UBE2L3: variants seen among roughly 807,000 people sequenced by gnomAD.
UBE2L3 encodes the protein ubiquitin conjugating enzyme E2 L3.
Under a neutral mutation model 17.8 loss-of-function variants are expected in UBE2L3, and 1 was observed. The ratio of observed to expected loss-of-function variants is 0.06; its 90% CI spans 0.02 to 0.27. The LOEUF is 0.27. Among genes scored for constraint, UBE2L3 ranks in the 10% least tolerant of loss-of-function variants. The pLI, the probability that UBE2L3 is intolerant of heterozygous loss-of-function variation, is 1.00. For synonymous variants in UBE2L3, 44 were observed against 68.5 expected (o/e 0.64, Z 1.76); for missense variants, 40 against 192.6 (o/e 0.21, Z 4.69).
At chr22:21,580,286 T>C (rs1927551010) in intron 1 of UBE2L3, among the ~76,000 whole-genome samples, 1 of 152,230 alleles carries the variant, frequency 6.6e-6, no homozygotes. Context: ...CTTTACCATC[T>C]GTGAAATGGG....
chr22:21,557,397 C>T (rs944176040), intron 1 of UBE2L3, among the ~76,000 whole-genome samples: 1 of 152,226 alleles, frequency 6.6e-6, no homozygotes, highest in Admixed American at 6.5e-5. Context: ...AACCCAACCC[C>T]CCAAAATAAA....
Position 21,570,702 on chromosome 22 carries a change from G to GT in UBE2L3, c.27+2941dup, listed in dbSNP as rs147279444. 5.6e-3 allele frequency among the ~76,000 whole-genome samples: 836 copies of GT among 149,332 alleles called. 7 individuals are homozygous for GT. Among genetic ancestry groups the GT allele is most frequent in the African/African-American group, 0.019 (759 of 40,674 alleles). On this transcript the variant is annotated intron_variant, in intron 1 of 3. Coordinates refer to ENST00000342192, the MANE Select transcript of UBE2L3 (RefSeq NM_003347.4). ...GCTGTGAGAATCAATGTTTAAGACT[G>GT]TTTTTTTTTTCTTTTAAAGGAAGAA... is the stretch of plus-strand genomic sequence containing the variant.
At chr22:21,573,712 T>C (rs1927108454) in intron 1 of UBE2L3, among the ~76,000 whole-genome samples, 1 of 152,158 alleles carries the variant, frequency 6.6e-6, no homozygotes, top group Non-Finnish European at 1.5e-5. Flanking sequence ...GCAGTGCCTA[T>C]GGGAAATGCT....
intron 3 of UBE2L3, among the ~76,000 whole-genome samples, chr22:21,618,423 G>A (rs531455557): frequency 2.0e-4 from 31 of 151,834 alleles, no homozygotes; most frequent in African/African-American, 6.8e-4. Context: ...AAAATTAGCC[G>A]GGCATGGTGG....
chr22:21,612,654 T>TC (rs1568987516), intron 3 of UBE2L3, among the ~76,000 whole-genome samples: 2 of 111,370 alleles, frequency 1.8e-5, no homozygotes, highest in Non-Finnish European at 3.6e-5. Flanking sequence ...TTTTTTTTTT[T>TC]TTTTTTTTTT....
intron 1 of UBE2L3, among the ~76,000 whole-genome samples, chr22:21,557,456 G>A (rs1157124312): frequency 6.6e-6 from 1 of 152,244 alleles, no homozygotes; most frequent in African/African-American, 2.4e-5. Flanking sequence ...CCATAGGCCT[G>A]TTGGGAGGAG....
chr22:21,590,358 C>T (rs1191662475), intron 1 of UBE2L3, among the ~76,000 whole-genome samples: 5 of 152,084 alleles, frequency 3.3e-5, no homozygotes, highest in African/African-American at 9.7e-5. Flanking sequence ...CCACCACACC[C>T]GGCTGATTTT....
At chr22:21,599,901 G>A (rs2148429821) in intron 2 of UBE2L3, among the ~76,000 whole-genome samples, 1 of 152,328 alleles carries the variant, frequency 6.6e-6, no homozygotes, top group South Asian at 2.1e-4. Flanking sequence ...GAGCCCAAAA[G>A]GAAGGAATGG....
chr22:21,591,252 A>G (rs1928249585), intron 1 of UBE2L3, among the ~76,000 whole-genome samples: 1 of 152,154 alleles, frequency 6.6e-6, no homozygotes. Flanking sequence ...AAATGGATCC[A>G]TCATCGCTCC....
intron 1 of UBE2L3, among the ~76,000 whole-genome samples, chr22:21,586,874 C>CATT: frequency 7.2e-6 from 1 of 137,972 alleles, no homozygotes. Flanking sequence ...CTGTGCCCGG[C>CATT]CTTTTTTTTT....
chr22:21,571,248 T>C (rs868651969), intron 1 of UBE2L3, among the ~76,000 whole-genome samples: 1 of 152,220 alleles, frequency 6.6e-6, no homozygotes, highest in Non-Finnish European at 1.5e-5. Flanking sequence ...CCTTTATGTG[T>C]GGCTTAGGCA....
intron 1 of UBE2L3, among the ~76,000 whole-genome samples, chr22:21,557,885 A>G (rs1926293906): frequency 6.6e-6 from 1 of 152,048 alleles, no homozygotes; most frequent in African/African-American, 2.4e-5. Flanking sequence ...ATAAAGCATT[A>G]TGCTCCTTGA....
At chr22:21,608,260 T>C (rs1019614758) in intron 2 of UBE2L3, among the ~76,000 whole-genome samples, 2 of 152,076 alleles carry the variant, frequency 1.3e-5, no homozygotes, top group African/African-American at 4.8e-5. Flanking sequence ...CATAAAATCT[T>C]TTTAACAAAG....
At chr22:21,564,594 T>C (rs1323337860), upstream of UBE2L3, among the ~76,000 whole-genome samples, 1 of 152,162 alleles carries the variant, frequency 6.6e-6, no homozygotes, top group East Asian at 1.9e-4. Context: ...GGAGTCATCT[T>C]GCAGGCAGCG....
At chr22:21,612,317 TTTTTCTTTTC>T (rs375210496) in intron 3 of UBE2L3, among the ~76,000 whole-genome samples, 18 of 152,126 alleles carry the variant, frequency 1.2e-4, no homozygotes, top group African/African-American at 3.6e-4. Context: ...AGTGCCTGGT[TTTTTCTTTTC>T]TTTTCTTTTC....
intron 1 of UBE2L3, among the ~76,000 whole-genome samples, chr22:21,571,269 A>G (rs892749712): frequency 6.6e-6 from 1 of 152,222 alleles, no homozygotes; most frequent in African/African-American, 2.4e-5. Flanking sequence ...ACTGATTGCC[A>G]TCTGATCATT....
chr22:21,589,060 C>T (rs1322584038), intron 1 of UBE2L3, among the ~76,000 whole-genome samples: 1 of 151,968 alleles, frequency 6.6e-6, no homozygotes, highest in Non-Finnish European at 1.5e-5. Flanking sequence ...TCCCAAAATG[C>T]TGGGATTACA....
intron 1 of UBE2L3, among the ~76,000 whole-genome samples, chr22:21,582,683 G>A (rs1927710349): frequency 6.6e-6 from 1 of 152,036 alleles, no homozygotes; most frequent in African/African-American, 2.4e-5. Flanking sequence ...TTGCCACCAC[G>A]CCCAGTTAAT....
chr22:21,593,098 A>G (rs753315959), intron 2 of UBE2L3, 142 bp downstream of exon 2: 4 of 697,168 alleles, frequency 5.7e-6, no homozygotes, highest in Non-Finnish European at 1.0e-5. Flanking sequence ...CTCTAGGGTG[A>G]TAAGGTAGGG....
Sources: allele counts gnomAD v4.1 joint callset (sites outside exome capture counted in the v4.1 genomes callset), GRCh38; gene constraint gnomAD v4.1.1; transcripts MANE v1.5; gene names NCBI Gene and HGNC (gene_info 2026-07-23, HGNC 2026-07-21).